The following PHACTR1 variants were observed in gnomAD, a reference collection of about 807,000 sequenced individuals.
The protein encoded by PHACTR1 is phosphatase and actin regulator 1, also known as RPEL repeat containing 1.
A neutral mutation model predicts 69.2 loss-of-function variants in PHACTR1; 16 were observed. That is an observed-to-expected ratio of 0.23 (90% confidence interval 0.16 to 0.35). The LOEUF (loss-of-function observed/expected upper bound fraction) is 0.35, where lower values mean the gene tolerates loss of function less well. Ranked by LOEUF, PHACTR1 falls within the 10% of genes least tolerant of loss-of-function variation. The pLI is 1.00. For synonymous variants in PHACTR1, 312 were observed against 284.5 expected (o/e 1.10, Z -0.97); for missense variants, 510 against 734.7 (o/e 0.69, Z 3.54).
chr6:13,066,497 T>C (rs1462979048), intron 5 of PHACTR1, among the ~76,000 whole-genome samples: 2 of 152,170 alleles, frequency 1.3e-5, no homozygotes, highest in East Asian at 1.9e-4. Flanking sequence ...CAGGTTAGGC[T>C]AAATGACTGC....
intron 7 of PHACTR1, among the ~76,000 whole-genome samples, chr6:13,197,594 T>C (rs547119824): frequency 3.7e-4 from 57 of 152,182 alleles, no homozygotes; most frequent in African/African-American, 1.2e-3. Flanking sequence ...ATGTGCACAA[T>C]GTGCAGGTTT....
At chr6:13,197,929 C>T (rs937318131) in intron 7 of PHACTR1, among the ~76,000 whole-genome samples, 1 of 152,184 alleles carries the variant, frequency 6.6e-6, no homozygotes, top group African/African-American at 2.4e-5. Context: ...AGATCAGCGT[C>T]CCCTAGAGAT....
intron 4 of PHACTR1, among the ~76,000 whole-genome samples, chr6:12,760,762 A>T (rs1405653503): frequency 2.0e-5 from 3 of 152,090 alleles, no homozygotes; most frequent in Admixed American, 2.0e-4. Flanking sequence ...ATGAAACCCC[A>T]TCTCTACTAA....
intron 4 of PHACTR1, among the ~76,000 whole-genome samples, chr6:12,805,593 CTCTT>C (rs888503949): frequency 1.4e-4 from 21 of 150,082 alleles, no homozygotes; most frequent in African/African-American, 3.9e-4. Flanking sequence ...CTCTCTGTCT[CTCTT>C]TCTTTCTTTC....
At chr6:13,181,958 G>T (rs6909143) in intron 6 of PHACTR1, among the ~76,000 whole-genome samples, 50,034 of 152,078 alleles carry the variant, frequency 0.33, 8,604 homozygotes, top group Admixed American at 0.41. Context: ...AAATGGCCGG[G>T]CGCGGTGGCT....
chr6:12,977,454 C>G (rs1000549733), intron 4 of PHACTR1, among the ~76,000 whole-genome samples: 2 of 151,462 alleles, frequency 1.3e-5, no homozygotes, highest in Admixed American at 6.6e-5. Context: ...TATCTAGGAC[C>G]CATTTCTTTT....
Position 12,802,612 on chromosome 6 carries a change from C to CA in PHACTR1, c.250+52828dup, listed in dbSNP as rs1334962512. On this transcript the variant is annotated intron_variant, in intron 4 of 14. Transcript: ENST00000332995. ...GATGTACCATTATTTTCTCTGCCAC[C>CA]AAAAAAGAGAAAACCAATTAAACTA... is the stretch of plus-strand genomic sequence containing the variant. Among the ~76,000 whole-genome samples the CA allele has an allele frequency of 2.6e-5, 4 of 152,050 alleles. No individual in the cohort carries two copies. In the East Asian group the frequency reaches 7.7e-4, roughly 29 times the overall value.
chr6:12,737,398 TAC>T (rs3071780), intron 3 of PHACTR1, among the ~76,000 whole-genome samples: 5,225 of 149,378 alleles, frequency 0.035, 287 homozygotes, highest in African/African-American at 0.12. Context: ...TATTGTTTTA[TAC>T]ACACACACAC....
intron 10 of PHACTR1, among the ~76,000 whole-genome samples, chr6:13,242,196 A>G (rs1321189152): frequency 6.6e-6 from 1 of 152,220 alleles, no homozygotes; most frequent in Admixed American, 6.5e-5. Context: ...ACATGCTTCT[A>G]GAACACATGA....
intron 4 of PHACTR1, among the ~76,000 whole-genome samples, chr6:12,863,382 A>G (rs1238178913): frequency 6.6e-6 from 1 of 152,224 alleles, no homozygotes; most frequent in Non-Finnish European, 1.5e-5. Context: ...ATAAGGCACC[A>G]ATACCATCAG....
At chr6:12,962,297 C>G (rs1792853652) in intron 4 of PHACTR1, among the ~76,000 whole-genome samples, 1 of 152,110 alleles carries the variant, frequency 6.6e-6, no homozygotes, top group African/African-American at 2.4e-5. Flanking sequence ...TAACCTTAAT[C>G]ATCTCTTTCA....
At chr6:13,068,012 A>G (rs894334793) in intron 5 of PHACTR1, among the ~76,000 whole-genome samples, 13 of 152,068 alleles carry the variant, frequency 8.5e-5, no homozygotes, top group Non-Finnish European at 1.3e-4. Context: ...CATCTTTAAC[A>G]TAGGGATAAA....
chr6:13,048,745 TG>T (rs1305544382), intron 4 of PHACTR1, among the ~76,000 whole-genome samples: 1 of 152,230 alleles, frequency 6.6e-6, no homozygotes, highest in African/African-American at 2.4e-5. Context: ...TTGGCCAGGC[TG>T]GTCTTGAACT....
At chr6:13,256,468 A>C (rs534266) in intron 10 of PHACTR1, among the ~76,000 whole-genome samples, 32,292 of 152,170 alleles carry the variant, frequency 0.21, 5,328 homozygotes, top group African/African-American at 0.45. Context: ...TTTTCTACCA[A>C]ATGGCCAGGC....
intron 5 of PHACTR1, among the ~76,000 whole-genome samples, chr6:13,099,830 C>A (rs1319900992): frequency 6.6e-6 from 1 of 152,076 alleles, no homozygotes; most frequent in Non-Finnish European, 1.5e-5. Context: ...AATTGAGAAA[C>A]AAACAAGACA....
At chr6:12,784,542 TAC>T (rs1411822259) in intron 4 of PHACTR1, among the ~76,000 whole-genome samples, 2 of 151,422 alleles carry the variant, frequency 1.3e-5, no homozygotes, top group Non-Finnish European at 2.9e-5. Flanking sequence ...TATGTACATA[TAC>T]ACACATATAT....
intron 5 of PHACTR1, among the ~76,000 whole-genome samples, chr6:13,106,944 A>T (rs1816252930): frequency 6.6e-6 from 1 of 152,126 alleles, no homozygotes; most frequent in African/African-American, 2.4e-5. Flanking sequence ...ATATTACTGG[A>T]TTAAATTTGA....
chr6:12,959,146 T>C, intron 4 of PHACTR1, among the ~76,000 whole-genome samples: 1 of 130,776 alleles, frequency 7.6e-6, no homozygotes, highest in East Asian at 2.1e-4. Flanking sequence ...CACTGCCCTC[T>C]TGCCTGGGTG....
rs1371415156 is a variant in PHACTR1 at position 13,265,281 on chromosome 6, T to C, written c.1392-7579T>C. Among the ~76,000 whole-genome samples, 4 of 152,116 alleles carry C rather than the reference T, an allele frequency of 2.6e-5. No homozygotes were observed. The East Asian group carries it at 7.7e-4, about 29-fold the overall frequency. ...CAGTGGGCATTTTTTTCAGGCCTCATCTAACCTTACAGCAGCTCTCAGAAC... is the reference window on the plus strand; with the variant it reads ...CAGTGGGCATTTTTTTCAGGCCTCACCTAACCTTACAGCAGCTCTCAGAAC... On this transcript the variant is annotated intron_variant, in intron 10 of 14. Coordinates refer to ENST00000332995, the MANE Select transcript of PHACTR1 (RefSeq NM_030948.6).
Sources: gnomAD v4.1 joint callset for allele counts (sites outside exome capture counted in the v4.1 genomes callset) on GRCh38, gnomAD v4.1.1 for gene constraint, MANE v1.5 for transcripts, NCBI Gene and HGNC (gene_info 2026-07-23, HGNC 2026-07-21) for gene names.